The following CCDC171 variants were observed in gnomAD, a reference collection of about 807,000 sequenced individuals.
The protein encoded by CCDC171 is coiled-coil domain containing 171.
In CCDC171, 177 loss-of-function variants were observed where a neutral mutation model predicts 168.2. That is an observed-to-expected ratio of 1.05 (90% CI 0.93 to 1.19). CCDC171 has a LOEUF of 1.19. CCDC171 is among the 50% of genes most tolerant of loss of function. The pLI is 0.00. For missense variants in CCDC171, 1,991 were observed against 1,539.0 expected, an observed-to-expected ratio of 1.29 and a Z score of -4.91; for synonymous variants, 687 against 540.8, an observed-to-expected ratio of 1.27 and a Z score of -3.75.
chr9:16,107,917 A>G, the CCDC171 span, among the ~76,000 whole-genome samples: 5 of 152,192 alleles, frequency 3.3e-5, no homozygotes, highest in Non-Finnish European at 7.3e-5. Context: ...CCATGCATTT[A>G]TACATAATTT....
chr9:15,980,725 TG>T (rs1179264297), intron 3 of CCDC171, among the ~76,000 whole-genome samples: 1 of 151,550 alleles, frequency 6.6e-6, no homozygotes, highest in Non-Finnish European at 1.5e-5. Flanking sequence ...TTGATATTCT[TG>T]GGTGTTGCTC....
intron 3 of CCDC171, among the ~76,000 whole-genome samples, chr9:15,994,233 A>G (rs1212585007): frequency 1.3e-5 from 2 of 152,238 alleles, no homozygotes; most frequent in Non-Finnish European, 2.9e-5. Flanking sequence ...TGGCCCATAT[A>G]TACCATGGCA....
chr9:15,681,392 T>G (rs1029461023), intron 10 of CCDC171, among the ~76,000 whole-genome samples: 2 of 152,134 alleles, frequency 1.3e-5, no homozygotes, highest in East Asian at 3.9e-4. Flanking sequence ...TTTTCATCTC[T>G]CTTAAACTCA....
At chr9:16,050,150 G>C (rs373826539) in intron 1 of CCDC171, among the ~76,000 whole-genome samples, 2 of 152,238 alleles carry the variant, frequency 1.3e-5, no homozygotes, top group South Asian at 2.1e-4. Context: ...GCCTCCCAAA[G>C]TGCTGGGATT....
At position 15,727,419 on chromosome 9, in the gene CCDC171, CT is replaced by C. The variant is rs538609985; in HGVS notation, c.1693-443del. On this transcript the variant is annotated intron_variant, in intron 14 of 25. Transcript: ENST00000380701. Reference sequence around the variant, plus strand: ...TTTTTTTCATCAGAGTTGAATAACACTTTTTTTCTGTATTGTTTTTTGACAA... The same window carrying C: ...TTTTTTTCATCAGAGTTGAATAACACTTTTTTCTGTATTGTTTTTTGACAA... 3.3e-5 allele frequency among the ~76,000 whole-genome samples: 5 copies of C among 152,204 alleles called. No homozygotes were observed. The East Asian group carries it at 7.7e-4, about 23-fold the overall frequency.
chr9:15,634,677 T>A (rs2046055693), intron 7 of CCDC171, among the ~76,000 whole-genome samples: 1 of 152,196 alleles, frequency 6.6e-6, no homozygotes, highest in South Asian at 2.1e-4. Flanking sequence ...TATAAATTTG[T>A]CCATTTGAAG....
intron 11 of CCDC171, among the ~76,000 whole-genome samples, chr9:15,695,836 C>A (rs959026344): frequency 2.0e-5 from 3 of 152,092 alleles, no homozygotes; most frequent in African/African-American, 7.2e-5. Flanking sequence ...GATAAGAATG[C>A]TTAGGTAGAA....
chr9:15,780,376 A>C (rs1564394057), intron 20 of CCDC171, among the ~76,000 whole-genome samples: 2 of 151,990 alleles, frequency 1.3e-5, no homozygotes, highest in African/African-American at 4.8e-5. Flanking sequence ...GTAAAAATAC[A>C]AGAAAGTATT....
intron 6 of CCDC171, among the ~76,000 whole-genome samples, chr9:16,026,643 G>A (rs1024453333): frequency 1.3e-5 from 2 of 152,144 alleles, no homozygotes; most frequent in Non-Finnish European, 2.9e-5. Flanking sequence ...GGCTGAGTAA[G>A]GACATTTCTC....
chr9:15,661,283 A>AC (rs2048300775), intron 8 of CCDC171, among the ~76,000 whole-genome samples: 1 of 76,758 alleles, frequency 1.3e-5, no homozygotes. Flanking sequence ...CCGTCTCAAA[A>AC]AAAAAAAAAA....
At chr9:15,898,240 T>TAGCAA (rs1196044848) in intron 24 of CCDC171, among the ~76,000 whole-genome samples, 2 of 152,184 alleles carry the variant, frequency 1.3e-5, no homozygotes, top group Non-Finnish European at 2.9e-5. Flanking sequence ...CTTCCATACA[T>TAGCAA]TCTAACTTAT....
chr9:15,690,058 C>T (rs1460249032), intron 10 of CCDC171, among the ~76,000 whole-genome samples: 2 of 152,050 alleles, frequency 1.3e-5, no homozygotes, highest in African/African-American at 2.4e-5. Context: ...AACTCCATCT[C>T]AAAACAACAA....
At chr9:15,975,729 C>T (rs117985554), downstream of CCDC171, among the ~76,000 whole-genome samples, 12 of 152,270 alleles carry the variant, frequency 7.9e-5, no homozygotes, top group East Asian at 2.3e-3. Flanking sequence ...ACTTGTGTAA[C>T]TCCTAGGATA....
At chr9:15,832,384 T>G (rs2060269711) in intron 21 of CCDC171, among the ~76,000 whole-genome samples, 2 of 152,202 alleles carry the variant, frequency 1.3e-5, no homozygotes. Context: ...TCAGACAATT[T>G]TGTTGTACAA....
intron 6 of CCDC171, among the ~76,000 whole-genome samples, chr9:15,594,774 A>G (rs1367743016): frequency 6.6e-6 from 1 of 152,064 alleles, no homozygotes; most frequent in Non-Finnish European, 1.5e-5. Flanking sequence ...TGTACTTTGC[A>G]TTTTTTCAGG....
intron 25 of CCDC171, among the ~76,000 whole-genome samples, chr9:15,928,656 A>G (rs1826158229): frequency 6.6e-6 from 1 of 151,654 alleles, no homozygotes; most frequent in South Asian, 2.1e-4. Flanking sequence ...AATACTTCTT[A>G]GTTAGATTTT....
chr9:15,969,789 A>G (rs1831163598), intron 25 of CCDC171, among the ~76,000 whole-genome samples: 1 of 152,156 alleles, frequency 6.6e-6, no homozygotes, highest in South Asian at 2.1e-4. Context: ...TGGCACTGTA[A>G]TGTTTATAGC....
At position 15,909,814 on chromosome 9, in the gene CCDC171, C is replaced by G. The variant is rs983933385; in HGVS notation, c.3601-10456C>G. 2.6e-5 allele frequency among the ~76,000 whole-genome samples: 4 copies of G among 152,096 alleles called. No homozygotes were observed. The East Asian group carries it at 7.7e-4, about 29-fold the overall frequency. On this transcript the variant is annotated intron_variant, in intron 24 of 25. Transcript: ENST00000380701. ...GGTGCCAATGAAGACACATTTTTTT[C>G]TAATGGTGGTCTTTTTATTTTTATT... is the stretch of plus-strand genomic sequence containing the variant.
chr9:15,571,143 G>A (rs372400185), intron 2 of CCDC171, among the ~76,000 whole-genome samples: 3 of 152,192 alleles, frequency 2.0e-5, no homozygotes, highest in Middle Eastern at 3.4e-3. Flanking sequence ...CTCATCTTTT[G>A]TGTTCTCTCT....
Sources: allele counts gnomAD v4.1 joint callset (sites outside exome capture counted in the v4.1 genomes callset), GRCh38; gene constraint gnomAD v4.1.1; transcripts MANE v1.5; gene names NCBI Gene and HGNC (gene_info 2026-07-23, HGNC 2026-07-21).